TG: variants seen among roughly 807,000 people sequenced by gnomAD.
The protein encoded by TG is thyroid hormones.
TG carries 270 observed loss-of-function variants against 324.7 expected under a neutral mutation model. That is an observed-to-expected ratio of 0.83 (90% confidence interval 0.75 to 0.92). TG has a LOEUF of 0.92. Ranked by LOEUF, TG falls within the 40% of genes least tolerant of loss-of-function variation. The pLI, the probability that TG is intolerant of heterozygous loss-of-function variation, is 0.00. For missense variants in TG, 3,591 were observed against 3,456.4 expected (o/e 1.04, Z -0.98); for synonymous variants, 1,401 against 1,327.0 (o/e 1.06, Z -1.21).
intron 35 of TG, 135 bp downstream of exon 35, chr8:132,983,547 A>C (rs1587678975): frequency 1.1e-6 from 1 of 911,442 alleles, no homozygotes; most frequent in East Asian, 2.4e-5. Context: ...CTATGAATTA[A>C]ACACATGTAT....
intron 5 of TG, among the ~76,000 whole-genome samples, chr8:132,881,368 T>G (rs1814618501): frequency 1.3e-5 from 2 of 152,204 alleles, no homozygotes; most frequent in Admixed American, 1.3e-4. Context: ...TCTTAAGGAT[T>G]TCCTGTGGTG....
chr8:132,928,660 C>A (rs558000093), intron 22 of TG, among the ~76,000 whole-genome samples: 104 of 152,236 alleles, frequency 6.8e-4, no homozygotes, highest in Non-Finnish European at 1.3e-3. Flanking sequence ...ATGCACATGT[C>A]TTTTAAAAAA....
At chr8:132,923,211 T>A in intron 21 of TG, 127 bp from the exon 22 acceptor site, 1 of 1,098,144 alleles carries the variant, frequency 9.1e-7, no homozygotes, top group Non-Finnish European at 1.4e-6. Flanking sequence ...ACTGAAGAGT[T>A]TTAAGCTGGA....
chr8:133,084,799 A>G (rs1397620889), intron 41 of TG, among the ~76,000 whole-genome samples: 1 of 152,226 alleles, frequency 6.6e-6, no homozygotes, highest in Non-Finnish European at 1.5e-5. Flanking sequence ...TCCACAGGCA[A>G]GGGGGACAGT....
At chr8:132,874,077 C>G (rs1175538723) in intron 5 of TG, among the ~76,000 whole-genome samples, 1 of 152,104 alleles carries the variant, frequency 6.6e-6, no homozygotes, top group Non-Finnish European at 1.5e-5. Flanking sequence ...GAGGCTGAGG[C>G]AGGAGAATCA....
chr8:133,004,842 G>T (rs1295385435), intron 35 of TG, among the ~76,000 whole-genome samples: 1 of 152,144 alleles, frequency 6.6e-6, no homozygotes, highest in Non-Finnish European at 1.5e-5. Flanking sequence ...TGGCCTGAGT[G>T]GGCTGAGACT....
chr8:132,885,898 C>T (rs1815341958), intron 8 of TG, among the ~76,000 whole-genome samples: 1 of 152,176 alleles, frequency 6.6e-6, no homozygotes, highest in Non-Finnish European at 1.5e-5. Context: ...GGCTGCCTCC[C>T]TCCAATCTGT....
rs193097391 is a variant in TG at position 132,883,919 on chromosome 8, G to A, written c.1075+920G>A. Among the ~76,000 whole-genome samples, 635 of 152,288 alleles carry A rather than the reference G, an allele frequency of 4.2e-3. 5 individuals are homozygous for A. The highest frequency in any genetic ancestry group is 0.013 in the African/African-American group (540 of 41,562). On this transcript the variant is annotated intron_variant, in intron 8 of 47. Transcript: ENST00000220616. ...GGAAGTCCAAAATCAGGGTGTCAGC[G>A]GGGCCGTGCTCCCTCTGAAAGCTCT...
chr8:133,040,128 C>T (rs780618355), intron 41 of TG: 5 of 1,578,226 alleles, frequency 3.2e-6, no homozygotes, highest in Non-Finnish European at 4.3e-6. Flanking sequence ...CCATCAGCCA[C>T]CTCTGAGGAG....
chr8:133,103,646 G>A (rs898241070), intron 43 of TG, among the ~76,000 whole-genome samples: 1 of 152,214 alleles, frequency 6.6e-6, no homozygotes, highest in Non-Finnish European at 1.5e-5. Flanking sequence ...AAAGACTTTT[G>A]TGAGTTCCTA....
chr8:133,123,523 G>A (rs1851298487), intron 45 of TG, among the ~76,000 whole-genome samples: 1 of 152,076 alleles, frequency 6.6e-6, no homozygotes, highest in Admixed American at 6.5e-5. Context: ...TTATTCTGCT[G>A]GGATCCTTCC....
At chr8:132,939,672 T>TTGTTTG (rs1554674682) in intron 25 of TG, among the ~76,000 whole-genome samples, 7 of 147,220 alleles carry the variant, frequency 4.8e-5, no homozygotes, top group African/African-American at 1.5e-4. Context: ...GGTTTTTTTT[T>TTGTTTG]TTTGTTTGTT....
intron 35 of TG, among the ~76,000 whole-genome samples, chr8:132,987,043 A>C (rs1188875258): frequency 6.6e-6 from 1 of 152,166 alleles, no homozygotes; most frequent in Non-Finnish European, 1.5e-5. Flanking sequence ...TATTACTGAC[A>C]TGTGAATTAC....
intron 35 of TG, chr8:133,003,037 A>G: frequency 1.9e-6 from 2 of 1,056,060 alleles, no homozygotes; most frequent in Non-Finnish European, 2.3e-6. Context: ...CTTGGAGAAC[A>G]TACCAGGTAC....
chr8:132,940,025 A>G, intron 25 of TG, among the ~76,000 whole-genome samples: 1 of 152,056 alleles, frequency 6.6e-6, no homozygotes, highest in African/African-American at 2.4e-5. Flanking sequence ...ATTACTTATT[A>G]TCATCCTCAT....
At position 132,972,728 on chromosome 8, in the gene TG, G is replaced by A. The variant is rs1484807075; in HGVS notation, c.6186G>A (p.Trp2062Ter). 1.9e-6 allele frequency: 3 copies of A among 1,614,066 alleles called. No individual in the cohort carries two copies. Among genetic ancestry groups the A allele is most frequent in the Non-Finnish European group, 2.5e-6 (3 of 1,180,006 alleles). ...AAGTCCACACCTATCCCTTCGGATG[G>A]TACCAGAAGCCCAGTAAGTACCCTT... ...DIEVHTYPFG[W>*]YQKPIAQNNA... is the part of the protein sequence containing the mutation. Residue 2062 changes from tryptophan to a stop codon, truncating the protein, a stop_gained, in exon 34 of 48, where the codon TGG (tryptophan) becomes TGA (stop). Coordinates refer to ENST00000220616, the MANE Select transcript of TG (RefSeq NM_003235.5). LOFTEE classifies it high-confidence loss of function.
chr8:132,940,046 G>GGAA (rs1438396708), intron 25 of TG, among the ~76,000 whole-genome samples: 2 of 152,116 alleles, frequency 1.3e-5, no homozygotes, highest in African/African-American at 4.8e-5. Context: ...TGTACAGATG[G>GGAA]GAAGCTTGGG....
rs1032485742 is a variant in TG, at chr8:132,901,538, C to G, written c.3619C>G (p.Gln1207Glu). 2.5e-6 allele frequency: 4 copies of G among 1,613,116 alleles called. No individual in the cohort carries two copies. The highest frequency in any genetic ancestry group is 2.7e-5 in the African/African-American group (2 of 74,914). Residue 1207 changes from glutamine to glutamate, a missense_variant, in exon 16 of 48, where the codon CAG becomes GAG. By Grantham distance (29) the Gln-to-Glu change is conservative. Coordinates refer to ENST00000220616, the MANE Select transcript of TG (RefSeq NM_003235.5). ...GCCTGGGACGCGCGTGACCGGGGGC[C>G]AGCCCGCCTGTGAGAGTAAGTCATG... ...EVPGTRVTGG[Q>E]PACESPRCPL...
intron 5 of TG, among the ~76,000 whole-genome samples, chr8:132,880,838 G>A (rs1409517377): frequency 6.6e-6 from 1 of 152,052 alleles, no homozygotes; most frequent in Non-Finnish European, 1.5e-5. Flanking sequence ...TTTAAGCATT[G>A]TCCTCAATCA....
Sources: allele counts gnomAD v4.1 joint callset (sites outside exome capture counted in the v4.1 genomes callset), GRCh38; gene constraint gnomAD v4.1.1; transcripts MANE v1.5; gene names NCBI Gene and HGNC (gene_info 2026-07-23, HGNC 2026-07-21).